Variants in PRKG1 observed in about 807,000 individuals in gnomAD.
PRKG1 encodes cGMP-dependent protein kinase 1.
A neutral mutation model predicts 88.1 loss-of-function variants in PRKG1; 35 were observed. The observed-to-expected ratio is 0.40, with a 90% CI of 0.30 to 0.53. The LOEUF is 0.53. PRKG1 is among the 20% of genes least tolerant of loss of function. The pLI, the probability that PRKG1 is intolerant of heterozygous loss-of-function variation, is 0.59. For synonymous variants in PRKG1, 303 were observed against 292.5 expected, an observed-to-expected ratio of 1.04 and a Z score of -0.37; for missense variants, 540 against 839.8, an observed-to-expected ratio of 0.64 and a Z score of 4.41.
chr10:51,783,328 G>C (rs2132567218), intron 3 of PRKG1, among the ~76,000 whole-genome samples: 1 of 152,024 alleles, frequency 6.6e-6, no homozygotes, highest in South Asian at 2.1e-4. Context: ...CCTGAGGCTG[G>C]AGTTCAGTGG....
At chr10:51,078,308 T>C (rs1270005859) in intron 1 of PRKG1, among the ~76,000 whole-genome samples, 1 of 151,568 alleles carries the variant, frequency 6.6e-6, no homozygotes, top group Non-Finnish European at 1.5e-5. Context: ...AACCTCCGCC[T>C]CCAGGGTTCA....
At chr10:51,489,482 A>G (rs1209699688) in intron 3 of PRKG1, among the ~76,000 whole-genome samples, 1 of 152,174 alleles carries the variant, frequency 6.6e-6, no homozygotes, top group Non-Finnish European at 1.5e-5. Context: ...AGAAATGCCA[A>G]TTATCAGACC....
chr10:51,052,495 A>C (rs557103727), intron 1 of PRKG1, among the ~76,000 whole-genome samples: 23 of 152,348 alleles, frequency 1.5e-4, no homozygotes, highest in Non-Finnish European at 2.1e-4. Flanking sequence ...AAAGTTGCCC[A>C]AATAAAATAC....
chr10:52,232,499 A>C (rs1338370944), intron 9 of PRKG1, among the ~76,000 whole-genome samples: 1 of 152,212 alleles, frequency 6.6e-6, no homozygotes, highest in Admixed American at 6.5e-5. Context: ...TATGCTATTG[A>C]ATAATTTCTT....
chr10:51,983,425 A>G (rs1394842957), intron 5 of PRKG1, among the ~76,000 whole-genome samples: 1 of 152,038 alleles, frequency 6.6e-6, no homozygotes, highest in Non-Finnish European at 1.5e-5. Context: ...CCTGTGAAAG[A>G]CCTATGATGT....
At chr10:52,201,342 T>C (rs1275054404) in intron 9 of PRKG1, among the ~76,000 whole-genome samples, 6 of 152,212 alleles carry the variant, frequency 3.9e-5, no homozygotes, top group Admixed American at 2.0e-4. Flanking sequence ...TACATTCACG[T>C]TGTCGAAGAT....
intron 2 of PRKG1, among the ~76,000 whole-genome samples, chr10:51,362,216 C>A (rs1354515210): frequency 6.6e-6 from 1 of 151,752 alleles, no homozygotes; most frequent in Admixed American, 6.6e-5. Flanking sequence ...CTCTTCCCAG[C>A]CTTGATCTCC....
intron 9 of PRKG1, among the ~76,000 whole-genome samples, chr10:52,221,388 T>C (rs1840241084): frequency 6.6e-6 from 1 of 152,220 alleles, no homozygotes; most frequent in South Asian, 2.1e-4. Context: ...GCTGAATAAA[T>C]GTTACAATGA....
intron 2 of PRKG1, among the ~76,000 whole-genome samples, chr10:51,338,049 C>G (rs1841920147): frequency 6.6e-6 from 1 of 152,136 alleles, no homozygotes; most frequent in African/African-American, 2.4e-5. Flanking sequence ...CACATATACA[C>G]CATAGAATAC....
At chr10:51,608,998 C>CT (rs994341995) in intron 3 of PRKG1, among the ~76,000 whole-genome samples, 1 of 151,850 alleles carries the variant, frequency 6.6e-6, no homozygotes, top group African/African-American at 2.4e-5. Context: ...AGTGTTATTA[C>CT]TAAACAGTCA....
chr10:51,181,816 C>T (rs1167023583), intron 2 of PRKG1, among the ~76,000 whole-genome samples: 1 of 152,214 alleles, frequency 6.6e-6, no homozygotes, highest in Non-Finnish European at 1.5e-5. Context: ...CACAGGTCTG[C>T]ATGACCATGG....
intron 1 of PRKG1, among the ~76,000 whole-genome samples, chr10:51,136,020 T>C (rs1845677867): frequency 2.0e-5 from 3 of 150,754 alleles, no homozygotes; most frequent in African/African-American, 7.3e-5. Context: ...TAATGCTAAA[T>C]GACGAGTTAA....
intron 2 of PRKG1, among the ~76,000 whole-genome samples, chr10:51,229,933 A>AG (rs1564647165): frequency 2.9e-5 from 4 of 140,080 alleles, no homozygotes; most frequent in Non-Finnish European, 6.2e-5. Context: ...TCTCAAAAAA[A>AG]AAAAAAAAAA....
intron 4 of PRKG1, among the ~76,000 whole-genome samples, chr10:51,869,111 A>C (rs1487376865): frequency 1.3e-5 from 2 of 152,168 alleles, no homozygotes; most frequent in African/African-American, 4.8e-5. Flanking sequence ...CAATCTATGA[A>C]TATTCAGCTT....
At chr10:51,399,811 T>C (rs1480470313) in intron 2 of PRKG1, among the ~76,000 whole-genome samples, 1 of 151,922 alleles carries the variant, frequency 6.6e-6, no homozygotes, top group African/African-American at 2.4e-5. Context: ...ACAGCGGAAA[T>C]GGTGACTTCA....
rs61849907 is a variant in PRKG1, at chr10:52,098,539, G to A, written c.936-35301G>A. 1.7e-4 allele frequency among the ~76,000 whole-genome samples: 26 copies of A among 152,270 alleles called. No homozygotes were observed. The East Asian group carries it at 4.2e-3, about 25-fold the overall frequency. On this transcript the variant is annotated intron_variant, in intron 7 of 17. Transcript: ENST00000373980. ...ACAGATGTGTAAATAGGCCGGGCGC[G>A]GTGGCTCACGCCTGTAATCCCAGCA...
rs148622678 is a variant in PRKG1 at position 51,698,300 on chromosome 10, G to A, written c.593-106285G>A. 3.5e-5 allele frequency: 57 copies of A among 1,614,000 alleles called. No individual in the cohort carries two copies. In the African/African-American group the frequency reaches 4.7e-4, roughly 13 times the overall value. ...AGTTTCCATGGCACGAGTCTCCATC[G>A]CTCGAGAATCTCTACCACCTCTACC... On this transcript the variant is annotated intron_variant, in intron 3 of 17. Coordinates refer to ENST00000373980, the MANE Select transcript of PRKG1 (RefSeq NM_006258.4).
intron 2 of PRKG1, among the ~76,000 whole-genome samples, chr10:51,349,825 G>A (rs571614499): frequency 3.3e-5 from 5 of 152,164 alleles, no homozygotes; most frequent in Non-Finnish European, 7.4e-5. Flanking sequence ...GTATCTTTAA[G>A]CTGAGTACAC....
chr10:51,810,456 T>C (rs1839425149), intron 4 of PRKG1, among the ~76,000 whole-genome samples: 1 of 152,166 alleles, frequency 6.6e-6, no homozygotes, highest in Non-Finnish European at 1.5e-5. Context: ...GGGTGAGCCC[T>C]TGGCAAGTCA....
Sources: allele counts gnomAD v4.1 joint callset (sites outside exome capture counted in the v4.1 genomes callset), GRCh38; gene constraint gnomAD v4.1.1; transcripts MANE v1.5; gene names NCBI Gene and HGNC (gene_info 2026-07-23, HGNC 2026-07-21).